The following LMBR1L variants were observed in gnomAD, a reference collection of about 807,000 sequenced individuals.
LMBR1L encodes the protein protein LMBR1L.
LMBR1L carries 47 observed loss-of-function variants against 67.3 expected under a neutral mutation model. The ratio of observed to expected loss-of-function variants is 0.70; its 90% CI spans 0.55 to 0.89. The LOEUF (loss-of-function observed/expected upper bound fraction) is 0.89. Among genes scored for constraint, LMBR1L ranks in the 40% least tolerant of loss-of-function variants. The probability of loss-of-function intolerance (pLI) is 0.00; values close to 1 mark genes in which losing one functional copy is unlikely to be tolerated. For synonymous variants in LMBR1L, 247 were observed against 250.3 expected, an observed-to-expected ratio of 0.99 and a Z score of 0.13; for missense variants, 533 against 599.2, an observed-to-expected ratio of 0.89 and a Z score of 1.15.
chr12:49,102,861 A>C (rs2094263701), intron 8 of LMBR1L, 26 bp downstream of exon 8: 1 of 1,609,728 alleles, frequency 6.2e-7, no homozygotes, highest in African/African-American at 1.3e-5. Context: ...ACCCTGCAGG[A>C]TCAAAGAGCA....
chr12:49,099,707 G>A (rs1165553117), intron 15 of LMBR1L, among the ~76,000 whole-genome samples: 2 of 151,218 alleles, frequency 1.3e-5, no homozygotes, highest in East Asian at 2.0e-4. Context: ...TCAGCTTCCC[G>A]AGTAGCTGGG....
Position 49,102,360 on chromosome 12 carries a change from C to T in LMBR1L, c.786G>A (p.Trp262Ter), listed in dbSNP as rs1940309396. 6.2e-7 allele frequency: 1 copy of T among 1,614,214 alleles called. No individual in the cohort carries two copies. Among genetic ancestry groups the T allele is most frequent in the Non-Finnish European group, 8.5e-7 (1 of 1,180,016 alleles). Residue 262 changes from tryptophan (W) to a stop codon, truncating the protein, a stop_gained, in exon 10 of 17, where the codon TGG becomes TGA. Transcript: ENST00000267102. LOFTEE classifies it high-confidence loss of function. ...GTAGCAGCTCCATGTCTAAAGGCAG[C>T]CAGCAGGAAGTAGGATCTGAGGGCA... ...TRRICNPTSC[W>*]LPLDMELLHR...
chr12:49,098,309 CAG>C (rs1272023394), intron 15 of LMBR1L, among the ~76,000 whole-genome samples: 2 of 152,230 alleles, frequency 1.3e-5, no homozygotes, highest in African/African-American at 4.8e-5. Flanking sequence ...ACTTCGCTTC[CAG>C]AGTCTGGTAT....
intron 8 of LMBR1L, 41 bp downstream of exon 8, chr12:49,102,846 A>C: frequency 1.9e-6 from 3 of 1,560,330 alleles, no homozygotes; most frequent in Non-Finnish European, 2.7e-6. Context: ...CTCTGCAGGA[A>C]GCTCACCCTG....
intron 13 of LMBR1L, 81 bp downstream of exon 13, chr12:49,101,169 A>G (rs1374973115): frequency 1.2e-6 from 2 of 1,612,810 alleles, no homozygotes; most frequent in African/African-American, 2.7e-5. Context: ...CAAAGGAGAC[A>G]AAGTCCAAGA....
At chr12:49,110,357 G>C (rs573543433) in intron 1 of LMBR1L, 127 bp downstream of exon 1, 13 of 842,264 alleles carry the variant, frequency 1.5e-5, no homozygotes, top group Non-Finnish European at 1.6e-5. Flanking sequence ...CTGCCCGGAC[G>C]GAGGCCTCCG....
chr12:49,098,991 T>TACC (rs1464451546), intron 15 of LMBR1L, among the ~76,000 whole-genome samples: 1 of 151,906 alleles, frequency 6.6e-6, no homozygotes, highest in Non-Finnish European at 1.5e-5. Context: ...TTTTTTTTTT[T>TACC]TTTGGTAGAG....
At position 49,110,529 on chromosome 12, in the gene LMBR1L, T is replaced by G. The variant is rs746866093; in HGVS notation, c.27A>C (p.Leu9=). MEAPDYEV[L]SVREQLFHER... ...CGTGGAATAGCTGTTCTCGCACGGA[T>G]AGCACTTCGTAGTCAGGTGCTTCCA... Residue 9 remains leucine, a synonymous_variant, in exon 1 of 17, where the codon CTA becomes CTC. Coordinates refer to ENST00000267102, the MANE Select transcript of LMBR1L (RefSeq NM_018113.4). The G allele has an allele frequency of 6.2e-6, 10 of 1,614,054 alleles. No individual in the cohort carries two copies. In the East Asian group the frequency reaches 2.0e-4, roughly 32 times the overall value.
rs764745912 is a variant in LMBR1L at position 49,100,588 on chromosome 12, G to A, written c.1141C>T (p.Arg381Trp). ...ATGGCAGTGTCGTGCCATCTGGGCCGCAGGCTCCGGAAGAGTGGAGAGCTA... is the reference window on the plus strand; with the variant it reads ...ATGGCAGTGTCGTGCCATCTGGGCCACAGGCTCCGGAAGAGTGGAGAGCTA... ...FYSSPLFRSL[R>W]PRWHDTAMTQ... Residue 381 changes from arginine to tryptophan, a missense_variant, in exon 14 of 17, where the codon CGG becomes TGG. Arg to Trp is a moderately radical substitution (Grantham distance 101, BLOSUM62 -3). This residue lies in a region of LMBR1L where 223 missense variants were observed against 241.2 expected (regional missense o/e 0.92). Coordinates refer to ENST00000267102, the MANE Select transcript of LMBR1L (RefSeq NM_018113.4). 44 of 1,614,016 alleles carry A rather than the reference G, an allele frequency of 2.7e-5. No individual in the cohort carries two copies. The highest frequency in any genetic ancestry group is 6.7e-5 in the African/African-American group (5 of 74,924).
Position 49,104,743 on chromosome 12 carries a change from C to A in LMBR1L, c.331+3G>T. 1 of 1,613,374 alleles carries A rather than the reference C, an allele frequency of 6.2e-7. No individual in the cohort carries two copies. Among genetic ancestry groups the A allele is most frequent in the Non-Finnish European group, 8.5e-7 (1 of 1,179,668 alleles). ...CCCCAAGCAGCTTCCAGGAGCCACACACCATGGATGAGGGAGCCGTTGAGC... is the reference window on the plus strand; with the variant it reads ...CCCCAAGCAGCTTCCAGGAGCCACAAACCATGGATGAGGGAGCCGTTGAGC... On this transcript the variant is annotated splice_donor_region_variant and intron_variant, in intron 4 of 16. Coordinates refer to ENST00000267102, the MANE Select transcript of LMBR1L (RefSeq NM_018113.4).
At chr12:49,100,754 GTC>G in intron 13 of LMBR1L, 108 bp from the exon 14 acceptor site, 1 of 803,996 alleles carries the variant, frequency 1.2e-6, no homozygotes, top group Non-Finnish European at 2.0e-6. Flanking sequence ...TTGAGACAGG[GTC>G]TCACTTTGTC....
chr12:49,105,587 C>T (rs972759223), intron 3 of LMBR1L, among the ~76,000 whole-genome samples: 4 of 152,210 alleles, frequency 2.6e-5, no homozygotes, highest in Admixed American at 2.6e-4. Context: ...TCCCCACACC[C>T]TGCTCTTTTT....
Position 49,097,538 on chromosome 12 carries a change from G to T in LMBR1L, c.*134C>A. On this transcript the variant is annotated 3_prime_UTR_variant, in exon 17 of 17. Coordinates refer to ENST00000267102, the MANE Select transcript of LMBR1L (RefSeq NM_018113.4). ...CTGGCTCAGATTATGCAATAGTGCA[G>T]ATGGCTCTGCTCCCCTCTGCCACCC... The T allele has an allele frequency of 1.2e-6, 1 of 841,578 alleles. No homozygotes were observed. The highest frequency in any genetic ancestry group is 2.0e-6 in the Non-Finnish European group (1 of 508,112). 52.1% of individuals were successfully genotyped at this position (841,578 alleles called of 1,614,324 possible). A position where few individuals can be genotyped will look rare whatever the true frequency, so the allele number is the denominator to read the frequency against.
At chr12:49,106,554 C>T in intron 2 of LMBR1L, 1 of 1,311,528 alleles carries the variant, frequency 7.6e-7, no homozygotes, top group Non-Finnish European at 1.0e-6. Context: ...CCAGGTTCCC[C>T]AGTCATCAGG....
intron 1 of LMBR1L, among the ~76,000 whole-genome samples, chr12:49,108,203 C>T (rs1941135676): frequency 6.6e-6 from 1 of 151,366 alleles, no homozygotes; most frequent in Non-Finnish European, 1.5e-5. Flanking sequence ...GTGGAGGTTG[C>T]AGTGAGCTGT....
intron 1 of LMBR1L, among the ~76,000 whole-genome samples, chr12:49,107,301 A>G (rs1941031255): frequency 6.6e-6 from 1 of 152,256 alleles, no homozygotes; most frequent in African/African-American, 2.4e-5. Context: ...CAGCCCTACA[A>G]GGACTTCATT....
Position 49,104,798 on chromosome 12 carries a change from G to A in LMBR1L, c.279C>T (p.Leu93=). 1 of 1,613,876 alleles carries A rather than the reference G, an allele frequency of 6.2e-7. No individual in the cohort carries two copies. The highest frequency in any genetic ancestry group is 8.5e-7 in the Non-Finnish European group (1 of 1,179,938). ...PFSIISNEVL[L]SLPRNYYIQW... ...GGATGTAGTAGTTCCGAGGCAGGGA[G>A]AGCAGCACCTCATTGCTGATGATGG... The change falls in exon 4 of 17, where the codon CTC becomes CTT. Residue 93 remains leucine (L), a synonymous_variant. Transcript: ENST00000267102.
rs1419187350 is a variant in LMBR1L at position 49,098,027 on chromosome 12, T to C, written c.1319A>G (p.Asn440Ser). 2 of 1,614,146 alleles carry C rather than the reference T, an allele frequency of 1.2e-6. No individual in the cohort carries two copies. Among genetic ancestry groups the C allele is most frequent in the Admixed American group, 1.7e-5 (1 of 60,012 alleles). The change falls in exon 16 of 17, where the codon AAC (asparagine) becomes AGC (serine). Residue 440 changes from asparagine (N) to serine (S), a missense_variant. Physicochemically the swap from Asn to Ser is conservative, Grantham distance 46. Transcript: ENST00000267102. ...TGTGGTGAGGCCTGCAAAGGCTGCG[T>C]TGTAGAGGAACACAATGTAGAAATT... The part of the protein sequence containing the change: ...LGNFYIVFLY[N>S]AAFAGLTTLC...
At chr12:49,103,011 C>A (rs1940408687) in intron 7 of LMBR1L, 60 bp from the exon 8 acceptor site, 1 of 1,603,404 alleles carries the variant, frequency 6.2e-7, no homozygotes, top group East Asian at 2.2e-5. Context: ...CCCTAACATG[C>A]CCCCCATTCC....
Sources: allele counts gnomAD v4.1 joint callset (sites outside exome capture counted in the v4.1 genomes callset), GRCh38; gene constraint gnomAD v4.1.1; regional missense constraint gnomAD v4.1.1; transcripts MANE v1.5; gene names NCBI Gene and HGNC (gene_info 2026-07-23, HGNC 2026-07-21).